Variants in CPA6 observed in about 807,000 individuals in gnomAD.
CPA6 encodes carboxypeptidase B.
A neutral mutation model predicts 63.3 loss-of-function variants in CPA6; 58 were observed. The observed-to-expected ratio is 0.92, with a 90% confidence interval of 0.74 to 1.14. CPA6 has a LOEUF of 1.14. CPA6 is among the 50% of genes most tolerant of loss of function. The probability of loss-of-function intolerance (pLI) is 0.00; values close to 1 mark genes in which losing one functional copy is unlikely to be tolerated. For synonymous variants in CPA6, 185 were observed against 179.0 expected (o/e 1.03, Z -0.27); for missense variants, 565 against 526.6 (o/e 1.07, Z -0.71).
chr8:67,661,856 T>C (rs926197170), intron 1 of CPA6, among the ~76,000 whole-genome samples: 1 of 152,152 alleles, frequency 6.6e-6, no homozygotes, highest in African/African-American at 2.4e-5. Context: ...AGTGGAATCA[T>C]ATAATCTTTG....
At chr8:67,613,255 A>G (rs1412967006) in intron 2 of CPA6, among the ~76,000 whole-genome samples, 1 of 152,220 alleles carries the variant, frequency 6.6e-6, no homozygotes, top group African/African-American at 2.4e-5. Flanking sequence ...TTGAAAATAA[A>G]TTATGCATAT....
At chr8:67,689,002 T>G (rs1164149417) in intron 1 of CPA6, among the ~76,000 whole-genome samples, 2 of 151,146 alleles carry the variant, frequency 1.3e-5, no homozygotes, top group African/African-American at 2.5e-5. Context: ...ATTTTTTAGA[T>G]GGAGTCTCAC....
chr8:67,584,728 C>T (rs1048006259), intron 2 of CPA6, among the ~76,000 whole-genome samples: 7 of 152,070 alleles, frequency 4.6e-5, no homozygotes, highest in African/African-American at 1.7e-4. Flanking sequence ...GGGATGAAGG[C>T]TGAATTGAGC....
chr8:67,483,881 G>T (rs1453111656), intron 7 of CPA6, 23 bp from the exon 8 acceptor site: 2 of 1,580,326 alleles, frequency 1.3e-6, no homozygotes, highest in Middle Eastern at 1.7e-4. Context: ...AAGAAAACAG[G>T]TGCTGAGAAA....
chr8:67,509,412 A>G (rs1202728548), intron 5 of CPA6, 105 bp downstream of exon 5: 3 of 557,652 alleles, frequency 5.4e-6, no homozygotes, highest in Non-Finnish European at 9.7e-6. Context: ...GTTAAATATG[A>G]GACTCTATAA....
intron 2 of CPA6, among the ~76,000 whole-genome samples, chr8:67,524,664 T>A (rs1307681316): frequency 6.6e-6 from 1 of 151,880 alleles, no homozygotes; most frequent in African/African-American, 2.4e-5. Flanking sequence ...TTGAATGTGG[T>A]TAGGACTCGG....
In CPA6 at chr8:67,444,512, A is replaced by G. The variant is rs189171753; in HGVS notation, c.839-10272T>C. Among the ~76,000 whole-genome samples the G allele has an allele frequency of 6.5e-4, 99 of 151,924 alleles. 2 individuals are homozygous for G. In the East Asian group the frequency reaches 0.018, roughly 27 times the overall value. ...TGTGAAAGTAAAATCGGCTGAGTGC[A>G]GTGGCTCATGCCTGTAATCCCAGCA... On this transcript the variant is annotated intron_variant, in intron 8 of 10. Coordinates refer to ENST00000297770, the MANE Select transcript of CPA6 (RefSeq NM_020361.5).
chr8:67,647,424 C>T (rs1815737133), intron 1 of CPA6, among the ~76,000 whole-genome samples: 1 of 151,910 alleles, frequency 6.6e-6, no homozygotes, highest in Non-Finnish European at 1.5e-5. Flanking sequence ...AATTCTCTTG[C>T]CTGAGCCTCC....
intron 2 of CPA6, among the ~76,000 whole-genome samples, chr8:67,575,888 T>G (rs1264044903): frequency 6.6e-6 from 1 of 150,698 alleles, no homozygotes; most frequent in African/African-American, 2.4e-5. Flanking sequence ...TGGATGGAAT[T>G]GGAAAAAATC....
chr8:67,566,734 C>A (rs557473225), intron 2 of CPA6, among the ~76,000 whole-genome samples: 26 of 152,322 alleles, frequency 1.7e-4, no homozygotes, highest in African/African-American at 5.8e-4. Context: ...TGCCAGTTCA[C>A]CCTCTCCATC....
chr8:67,443,089 G>T (rs2128954185), intron 8 of CPA6, among the ~76,000 whole-genome samples: 1 of 150,252 alleles, frequency 6.7e-6, no homozygotes, highest in African/African-American at 2.5e-5. Context: ...TTGAGACAGA[G>T]TCTTGCTCTG....
chr8:67,736,077 T>TAGGACC (rs1817806863), intron 1 of CPA6, among the ~76,000 whole-genome samples: 1 of 152,080 alleles, frequency 6.6e-6, no homozygotes, highest in Non-Finnish European at 1.5e-5. Context: ...TCTCTCTTCA[T>TAGGACC]AGGACCAGGA....
chr8:67,532,370 A>C (rs1406728923), intron 2 of CPA6, among the ~76,000 whole-genome samples: 2 of 141,904 alleles, frequency 1.4e-5, no homozygotes, highest in African/African-American at 5.3e-5. Context: ...AAATGACCTT[A>C]AGCCGGTGTA....
intron 3 of CPA6, among the ~76,000 whole-genome samples, chr8:67,514,757 T>C (rs1474205035): frequency 6.6e-6 from 1 of 152,238 alleles, no homozygotes; most frequent in Non-Finnish European, 1.5e-5. Flanking sequence ...TAGTAATTAA[T>C]GAAGCATGTG....
chr8:67,568,606 T>C (rs938963196), intron 2 of CPA6, among the ~76,000 whole-genome samples: 1 of 152,080 alleles, frequency 6.6e-6, no homozygotes, highest in Admixed American at 6.5e-5. Context: ...TTTAAACTAC[T>C]TAATCAGGGA....
intron 8 of CPA6, among the ~76,000 whole-genome samples, chr8:67,459,440 G>C (rs1810750728): frequency 6.6e-6 from 1 of 152,176 alleles, no homozygotes; most frequent in East Asian, 1.9e-4. Flanking sequence ...GCACTAAAAA[G>C]GAATGAGCTA....
In CPA6 at chr8:67,672,849, A is replaced by C. The variant is rs537461038; in HGVS notation, c.117-48598T>G. On this transcript the variant is annotated intron_variant, in intron 1 of 10. Coordinates refer to ENST00000297770, the MANE Select transcript of CPA6 (RefSeq NM_020361.5). ...TGAACAAATAAGCCCTAACTGCCTCATTAGCTTTAAGCTTCTAGGATGATG... is the reference window on the plus strand; with the variant it reads ...TGAACAAATAAGCCCTAACTGCCTCCTTAGCTTTAAGCTTCTAGGATGATG... Among the ~76,000 whole-genome samples the C allele has an allele frequency of 3.3e-5, 5 of 152,298 alleles. No individual in the cohort carries two copies. In the East Asian group the frequency reaches 5.8e-4, roughly 18 times the overall value.
chr8:67,611,785 C>T (rs749103087), intron 2 of CPA6, among the ~76,000 whole-genome samples: 1 of 152,148 alleles, frequency 6.6e-6, no homozygotes, highest in Non-Finnish European at 1.5e-5. Flanking sequence ...AAGTTTTGCT[C>T]ATACCAAAGC....
At chr8:67,460,124 T>C (rs1810767765) in intron 8 of CPA6, among the ~76,000 whole-genome samples, 3 of 152,220 alleles carry the variant, frequency 2.0e-5, no homozygotes, top group Non-Finnish European at 4.4e-5. Flanking sequence ...TTATTAATAC[T>C]CAGCCTTGAA....
Sources: allele counts gnomAD v4.1 joint callset (sites outside exome capture counted in the v4.1 genomes callset), GRCh38; gene constraint gnomAD v4.1.1; transcripts MANE v1.5; gene names NCBI Gene and HGNC (gene_info 2026-07-23, HGNC 2026-07-21).